Variants in LMBR1 observed in about 807,000 individuals in gnomAD.
The protein encoded by LMBR1 is limb development membrane protein 1.
LMBR1 carries 52 observed loss-of-function variants against 73.9 expected under a neutral mutation model. The observed-to-expected ratio is 0.70, with a 90% confidence interval of 0.56 to 0.89. LMBR1 has a LOEUF of 0.89. LMBR1 is among the 40% of genes least tolerant of loss of function. The pLI, the probability that LMBR1 is intolerant of heterozygous loss-of-function variation, is 0.00. For missense variants in LMBR1, 539 were observed against 579.8 expected (o/e 0.93, Z 0.72); for synonymous variants, 215 against 209.4 (o/e 1.03, Z -0.23).
chr7:156,780,363 AG>A (rs1460238625), intron 5 of LMBR1, among the ~76,000 whole-genome samples: 6 of 152,332 alleles, frequency 3.9e-5, no homozygotes, highest in South Asian at 2.1e-4. Context: ...TAAAATTTGT[AG>A]GCAGAAATTC....
At chr7:156,836,704 C>A in intron 2 of LMBR1, 109 bp downstream of exon 2, 1 of 626,128 alleles carries the variant, frequency 1.6e-6, no homozygotes, top group Non-Finnish European at 2.6e-6. Flanking sequence ...CTTCAATCAC[C>A]GGCATATTCA....
intron 9 of LMBR1, among the ~76,000 whole-genome samples, chr7:156,754,012 C>T (rs1196283998): frequency 6.6e-6 from 1 of 152,040 alleles, no homozygotes; most frequent in Non-Finnish European, 1.5e-5. Flanking sequence ...CGAGACTCAG[C>T]GTCTTAATTC....
rs1353137242 is a variant in LMBR1, at chr7:156,669,904, GCCTAGTGCCAT to G, written n.867-628_867-618del. Among the ~76,000 whole-genome samples the G allele has an allele frequency of 2.6e-5, 4 of 152,164 alleles. No homozygotes were observed. The East Asian group carries it at 7.7e-4, about 29-fold the overall frequency. On this transcript the variant is annotated intron_variant and non_coding_transcript_variant, in intron 4 of 4. Coordinates refer to the LMBR1 transcript ENST00000430825. The surrounding 1 kb of genome is among the most constrained non-coding windows in gnomAD (Gnocchi z 4.2). Reference sequence around the variant, plus strand: ...GGTGACAGGAGGGCGGGCGGTCATGGCCTAGTGCCATGAAAATGAAACACAGATCCCTGTTT... The same window carrying G: ...GGTGACAGGAGGGCGGGCGGTCATGGGAAAATGAAACACAGATCCCTGTTT...
intron 8 of LMBR1, among the ~76,000 whole-genome samples, chr7:156,757,342 C>T (rs555807995): frequency 1.1e-4 from 17 of 152,280 alleles, no homozygotes; most frequent in African/African-American, 3.6e-4. Flanking sequence ...ACTAAAAACA[C>T]TCCATGAATA....
chr7:156,724,482 G>A (rs889511674), intron 14 of LMBR1, among the ~76,000 whole-genome samples: 3 of 151,936 alleles, frequency 2.0e-5, no homozygotes, highest in Non-Finnish European at 2.9e-5. Context: ...CTTTCAAAAG[G>A]CTCTGCCTGT....
At chr7:156,797,240 A>T (rs752978595) in intron 4 of LMBR1, among the ~76,000 whole-genome samples, 1 of 152,246 alleles carries the variant, frequency 6.6e-6, no homozygotes, top group African/African-American at 2.4e-5. Flanking sequence ...AAATAAGAAC[A>T]GATTTAGCAA....
chr7:156,819,554 T>G (rs1266035402), intron 4 of LMBR1, among the ~76,000 whole-genome samples: 1 of 152,220 alleles, frequency 6.6e-6, no homozygotes, highest in Non-Finnish European at 1.5e-5. Flanking sequence ...TAAAGGAATC[T>G]GAACATTTTC....
chr7:156,886,457 G>A (rs1319922239), intron 1 of LMBR1, among the ~76,000 whole-genome samples: 1 of 152,172 alleles, frequency 6.6e-6, no homozygotes, highest in Non-Finnish European at 1.5e-5. Context: ...TTACAATGAG[G>A]CCCTGTAGTC....
chr7:156,714,723 G>A (rs182677776), intron 15 of LMBR1, among the ~76,000 whole-genome samples: 1 of 152,196 alleles, frequency 6.6e-6, no homozygotes, highest in East Asian at 1.9e-4. Context: ...GACAAAGGAG[G>A]TGCCCCAGGT....
intron 1 of LMBR1, among the ~76,000 whole-genome samples, chr7:156,874,742 G>T (rs1489123809): frequency 6.6e-6 from 1 of 152,196 alleles, no homozygotes; most frequent in African/African-American, 2.4e-5. Flanking sequence ...CTTAGAAAAA[G>T]GGGGAGAGTA....
At chr7:156,763,197 T>C (rs940991714) in intron 6 of LMBR1, 21 bp from the exon 7 acceptor site, 2 of 1,090,940 alleles carry the variant, frequency 1.8e-6, no homozygotes, top group Non-Finnish European at 2.7e-6. Flanking sequence ...AAAGTAAATA[T>C]ATTTTAATAA....
Position 156,669,968 on chromosome 7 carries a change from A to T in LMBR1, n.867-681T>A, listed in dbSNP as rs79942506. On this transcript the variant is annotated intron_variant and non_coding_transcript_variant, in intron 4 of 4. Coordinates refer to the LMBR1 transcript ENST00000430825. The surrounding 1 kb of genome is among the most constrained non-coding windows in gnomAD (Gnocchi z 4.2). ...AAGAAAGAAAACATGGGAAAGTGCC[A>T]TCCAAGTACTAAAAGTATAAAGCTG... 3.9e-5 allele frequency among the ~76,000 whole-genome samples: 6 copies of T among 152,332 alleles called. No homozygotes were observed. The East Asian group carries it at 1.2e-3, about 29-fold the overall frequency.
intron 4 of LMBR1, among the ~76,000 whole-genome samples, chr7:156,806,045 A>ACAG (rs1832000982): frequency 6.6e-6 from 1 of 152,150 alleles, no homozygotes. Context: ...TGTAAAAAAT[A>ACAG]TTTGTTTTGT....
At chr7:156,882,436 GA>G (rs1442679887) in intron 1 of LMBR1, among the ~76,000 whole-genome samples, 1 of 152,008 alleles carries the variant, frequency 6.6e-6, no homozygotes, top group East Asian at 1.9e-4. Flanking sequence ...TCTCAAGGGG[GA>G]AAAAAAGGAA....
At chr7:156,875,211 G>C (rs1158331282) in intron 1 of LMBR1, among the ~76,000 whole-genome samples, 1 of 152,116 alleles carries the variant, frequency 6.6e-6, no homozygotes, top group East Asian at 1.9e-4. Context: ...TTCAGACCTT[G>C]AAGAGAAGCT....
intron 9 of LMBR1, among the ~76,000 whole-genome samples, chr7:156,745,521 G>C (rs935906871): frequency 3.9e-5 from 6 of 152,198 alleles, no homozygotes; most frequent in African/African-American, 1.4e-4. Context: ...TTTAGGAGGA[G>C]GAAACCTCGC....
At chr7:156,706,251 C>A (rs1171462783) in intron 15 of LMBR1, among the ~76,000 whole-genome samples, 2 of 150,874 alleles carry the variant, frequency 1.3e-5, no homozygotes, top group African/African-American at 4.9e-5. Flanking sequence ...ATACATGCAG[C>A]CAACAGCACC....
At chr7:156,853,767 C>T (rs1039291971) in intron 1 of LMBR1, among the ~76,000 whole-genome samples, 11 of 151,950 alleles carry the variant, frequency 7.2e-5, no homozygotes, top group Admixed American at 2.0e-4. Context: ...GGAATTCTCC[C>T]GCCTCAGCCT....
downstream of LMBR1, chr7:156,675,744 GAAGAGCTCTTT>G (rs1563104144): frequency 2.5e-6 from 4 of 1,613,708 alleles, no homozygotes; most frequent in Non-Finnish European, 3.4e-6. Flanking sequence ...CACCAACATT[GAAGAGCTCTTT>G]GCAGAAATCG....
Sources: allele counts gnomAD v4.1 joint callset (sites outside exome capture counted in the v4.1 genomes callset), GRCh38; gene constraint gnomAD v4.1.1; non-coding constraint Gnocchi (gnomAD v3.1); transcripts MANE v1.5; gene names NCBI Gene and HGNC (gene_info 2026-07-23, HGNC 2026-07-21).